The following SLC60A1 variants were observed in gnomAD, a reference collection of about 807,000 sequenced individuals.
SLC60A1 encodes the protein solute carrier family 60 member 1.
chr1:205,588,529 T>C, the SLC60A1 span, among the ~76,000 whole-genome samples: 1 of 147,246 alleles, frequency 6.8e-6, no homozygotes, highest in South Asian at 2.1e-4. Flanking sequence ...ACCCCAGAGA[T>C]TCTAATTTAG....
the SLC60A1 span, among the ~76,000 whole-genome samples, chr1:205,592,890 G>A: frequency 3.3e-5 from 5 of 152,210 alleles, no homozygotes; most frequent in African/African-American, 9.7e-5. Flanking sequence ...AGAAGTTATG[G>A]CATAGGAAAG....
chr1:205,577,319 C>T, the SLC60A1 span, among the ~76,000 whole-genome samples: 1 of 152,192 alleles, frequency 6.6e-6, no homozygotes. This position sits in a 1 kb window ranked among gnomAD's most constrained non-coding sequence, Gnocchi z 5.2. Context: ...CCCATGTGGG[C>T]TGGCAAGACA....
At chr1:205,586,092 A>G in the SLC60A1 span, 1 of 1,613,478 alleles carries the variant, frequency 6.2e-7, no homozygotes, top group Non-Finnish European at 8.5e-7. Context: ...TCTGTGGGAC[A>G]CAAGGTGGCT....
chr1:205,575,241 T>G, the SLC60A1 span, among the ~76,000 whole-genome samples: 1 of 152,226 alleles, frequency 6.6e-6, no homozygotes, highest in Admixed American at 6.5e-5. Context: ...TCCACATTTC[T>G]GCTCCCTGCC....
At chr1:205,578,521 G>A in the SLC60A1 span, among the ~76,000 whole-genome samples, 2 of 152,168 alleles carry the variant, frequency 1.3e-5, no homozygotes, top group African/African-American at 2.4e-5. Flanking sequence ...AGATCAGCCT[G>A]GAAACAAGAA....
the SLC60A1 span, among the ~76,000 whole-genome samples, chr1:205,578,728 C>T: frequency 1.3e-5 from 2 of 152,040 alleles, no homozygotes; most frequent in Admixed American, 1.3e-4. Flanking sequence ...GAGGCCTTTC[C>T]CCCTCCCCTC....
At chr1:205,573,681 T>C in the SLC60A1 span, among the ~76,000 whole-genome samples, 1 of 152,166 alleles carries the variant, frequency 6.6e-6, no homozygotes, top group Admixed American at 6.5e-5. Context: ...TGACTACTAA[T>C]GAATATAAGA....
chr1:205,569,120 C>A, the SLC60A1 span: 1 of 1,528,788 alleles, frequency 6.5e-7, no homozygotes, highest in Non-Finnish European at 8.8e-7. Flanking sequence ...ACCTGCAGCC[C>A]ACGCTCACCT....
the SLC60A1 span, among the ~76,000 whole-genome samples, chr1:205,577,778 A>G: frequency 6.6e-6 from 1 of 152,214 alleles, no homozygotes; most frequent in African/African-American, 2.4e-5. This position sits in a 1 kb window ranked among gnomAD's most constrained non-coding sequence, Gnocchi z 5.2. Flanking sequence ...GAAAAGCAGC[A>G]TAGCATAGGG....
At chr1:205,590,117 A>C in the SLC60A1 span, among the ~76,000 whole-genome samples, 2 of 152,202 alleles carry the variant, frequency 1.3e-5, no homozygotes, top group East Asian at 3.8e-4. Flanking sequence ...GACTATATCC[A>C]AGGGGCAGCT....
chr1:205,576,943 G>A, the SLC60A1 span, among the ~76,000 whole-genome samples: 9 of 152,078 alleles, frequency 5.9e-5, no homozygotes, highest in Non-Finnish European at 1.0e-4. Context: ...TTTCCCAGGC[G>A]TGGTTCTCTC....
At chr1:205,598,094 G>A in the SLC60A1 span, 1 of 441,256 alleles carries the variant, frequency 2.3e-6, no homozygotes, top group Admixed American at 3.5e-5. Context: ...GCAAACACAA[G>A]CCATGTCTGG....
the SLC60A1 span, chr1:205,598,917 C>T: frequency 3.3e-5 from 20 of 603,454 alleles, no homozygotes; most frequent in African/African-American, 3.7e-4. Context: ...TCACCAGGTC[C>T]AGTCCCTGCC....
At chr1:205,569,374 G>T in the SLC60A1 span, 1 of 929,468 alleles carries the variant, frequency 1.1e-6, no homozygotes. Flanking sequence ...CTTCCCTCCC[G>T]CCCCGCGACC....
chr1:205,599,582 A>C, the SLC60A1 span, among the ~76,000 whole-genome samples: 1 of 152,214 alleles, frequency 6.6e-6, no homozygotes, highest in Non-Finnish European at 1.5e-5. Flanking sequence ...CAGCCTGTTC[A>C]GGGAACTGAA....
the SLC60A1 span, chr1:205,586,275 C>T: frequency 5.0e-5 from 79 of 1,564,394 alleles, no homozygotes; most frequent in African/African-American, 1.0e-3. Context: ...CCTGGCCCTA[C>T]CCCAGGACGT....
the SLC60A1 span, among the ~76,000 whole-genome samples, chr1:205,592,601 C>T: frequency 6.6e-6 from 1 of 152,046 alleles, no homozygotes; most frequent in East Asian, 1.9e-4. Flanking sequence ...AGCACCATCT[C>T]CCAGCGAGAA....
the SLC60A1 span, among the ~76,000 whole-genome samples, chr1:205,593,322 T>G: frequency 6.7e-6 from 1 of 150,274 alleles, no homozygotes; most frequent in Non-Finnish European, 1.5e-5. Context: ...TACAAAAAAA[T>G]TAGCCAGGCG....
chr1:205,576,636 ATTG>A, the SLC60A1 span, among the ~76,000 whole-genome samples: 1 of 152,220 alleles, frequency 6.6e-6, no homozygotes, highest in African/African-American at 2.4e-5. Context: ...AGAAGGGGCT[ATTG>A]ACCAAGCCAT....
Sources: gnomAD v4.1 joint callset for allele counts (sites outside exome capture counted in the v4.1 genomes callset) on GRCh38, gnomAD v4.1.1 for gene constraint, Gnocchi (gnomAD v3.1) non-coding constraint, MANE v1.5 for transcripts, NCBI Gene and HGNC (gene_info 2026-07-23, HGNC 2026-07-21) for gene names.